Variants in ARHGAP23 observed in about 807,000 individuals in gnomAD.
ARHGAP23 encodes rho GTPase-activating protein 23.
In ARHGAP23, 34 loss-of-function variants were observed where a neutral mutation model predicts 136.3. That is an observed-to-expected ratio of 0.25 (90% confidence interval 0.19 to 0.33). The LOEUF is 0.33. Among genes scored for constraint, ARHGAP23 ranks in the 10% least tolerant of loss-of-function variants. The pLI, the probability that ARHGAP23 is intolerant of heterozygous loss-of-function variation, is 1.00. For synonymous variants in ARHGAP23, 832 were observed against 920.5 expected (o/e 0.90, Z 1.74); for missense variants, 1,808 against 2,139.0 (o/e 0.85, Z 3.05).
chr17:38,462,034 C>A (rs1026131542), intron 3 of ARHGAP23, among the ~76,000 whole-genome samples: 8 of 151,866 alleles, frequency 5.3e-5, no homozygotes, highest in Non-Finnish European at 1.0e-4. Context: ...CTCACTGCAA[C>A]CTCCACCTCC....
intron 1 of ARHGAP23, among the ~76,000 whole-genome samples, chr17:38,428,978 G>C (rs1030165898): frequency 1.3e-5 from 2 of 152,148 alleles, no homozygotes; most frequent in Admixed American, 6.5e-5. Flanking sequence ...AGAGGGGGTG[G>C]GGGAGGGGGT....
chr17:38,485,929 T>G, intron 16 of ARHGAP23, 133 bp from the exon 17 acceptor site: 1 of 751,396 alleles, frequency 1.3e-6, no homozygotes, highest in Non-Finnish European at 2.2e-6. Context: ...ACCATCCTGA[T>G]GAGTAGAGAG....
At chr17:38,509,729 G>A (rs1386670210) in intron 23 of ARHGAP23, among the ~76,000 whole-genome samples, 1 of 152,230 alleles carries the variant, frequency 6.6e-6, no homozygotes, top group East Asian at 1.9e-4. Context: ...ACAAGAAAGA[G>A]CTGAGAGCCT....
At chr17:38,459,563 C>T (rs2039410193) in intron 2 of ARHGAP23, among the ~76,000 whole-genome samples, 1 of 152,004 alleles carries the variant, frequency 6.6e-6, no homozygotes, top group Non-Finnish European at 1.5e-5. Flanking sequence ...CCCCAGAATG[C>T]CCCTCCTGCT....
chr17:38,485,035 A>G lies in ARHGAP23; in HGVS notation c.2908-1027A>G, dbSNP rs541941484. On this transcript the variant is annotated intron_variant, in intron 16 of 23. Coordinates refer to ENST00000622683, the MANE Select transcript of ARHGAP23 (RefSeq NM_001199417.2). The stretch of plus-strand genomic sequence containing the variant: ...GGCGGCTGTGCCCAACTTGGTTGCA[A>G]TGTGGGGTGATGGTGCCCCCTGGAG... Among the ~76,000 whole-genome samples the G allele has an allele frequency of 2.2e-4, 33 of 152,226 alleles. No homozygotes were observed. In the Middle Eastern group the frequency reaches 0.01, roughly 47 times the overall value.
chr17:38,421,188 C>T (rs8069742), intron 1 of ARHGAP23, among the ~76,000 whole-genome samples: 12,607 of 152,324 alleles, frequency 0.083, 598 homozygotes, highest in Middle Eastern at 0.22. Context: ...GGCTTCTGCC[C>T]TTGGCTCCAT....
Position 38,510,144 on chromosome 17 carries a change from G to T in ARHGAP23, c.3648G>T (p.Pro1216=). The change falls in exon 24 of 24, where the codon CCG becomes CCT. Residue 1216 remains proline, a synonymous_variant. Transcript: ENST00000622683. The surrounding 1 kb of genome is among the most constrained non-coding windows in gnomAD (Gnocchi z 4.6). The part of the protein sequence containing the change: ...APGTQERPQG[P]LPGAVAPEAP... The stretch of plus-strand genomic sequence containing the variant: ...GGACTCAGGAGCGGCCGCAGGGGCC[G>T]CTGCCTGGCGCCGTCGCCCCCGAGG... 7.9e-7 allele frequency: 1 copy of T among 1,273,844 alleles called. No homozygotes were observed. The highest frequency in any genetic ancestry group is 9.8e-7 in the Non-Finnish European group (1 of 1,017,174). The allele number at this position is 1,273,844 out of a possible 1,614,324, so 78.9% of individuals were successfully genotyped here. A position where few individuals can be genotyped will look rare whatever the true frequency, so the allele number is the denominator to read the frequency against.
chr17:38,434,990 G>T (rs138909550), intron 1 of ARHGAP23, among the ~76,000 whole-genome samples: 3 of 152,200 alleles, frequency 2.0e-5, no homozygotes, highest in Non-Finnish European at 4.4e-5. Context: ...ACTCTGTATT[G>T]TTCCTGAAAA....
intron 3 of ARHGAP23, 112 bp downstream of exon 3, chr17:38,461,044 C>T: frequency 6.8e-7 from 1 of 1,472,036 alleles, no homozygotes. Context: ...CCTCCCTTGA[C>T]TCCTGTTCCT....
At chr17:38,460,843 G>A in intron 2 of ARHGAP23, 62 bp from the exon 3 acceptor site, 1 of 1,536,006 alleles carries the variant, frequency 6.5e-7, no homozygotes, top group Non-Finnish European at 8.7e-7. Flanking sequence ...CACTGGAGCT[G>A]GGCCACCCCT....
chr17:38,458,279 C>T lies in ARHGAP23; in HGVS notation c.225+16C>T, dbSNP rs866735376. ...CAGCCTGAAGGTATGCCCGGCTCGC[C>T]GCTGCCCTGGTCTGGGGAAGCTTTC... On this transcript the variant is annotated intron_variant, in intron 2 of 23. Transcript: ENST00000622683. The T allele has an allele frequency of 1.4e-5, 21 of 1,500,664 alleles. No individual in the cohort carries two copies. Among genetic ancestry groups the T allele is most frequent in the African/African-American group, 1.2e-4 (9 of 72,100 alleles). The allele number at this position is 1,500,664 out of a possible 1,614,324, so 93.0% of individuals were successfully genotyped here.
intron 12 of ARHGAP23, among the ~76,000 whole-genome samples, chr17:38,478,260 G>A (rs987297258): frequency 1.3e-5 from 2 of 152,184 alleles, no homozygotes; most frequent in African/African-American, 4.8e-5. Context: ...CCTATGGAGT[G>A]TGTTAGGGCA....
chr17:38,471,311 G>A (rs1397414785), intron 10 of ARHGAP23, among the ~76,000 whole-genome samples: 2 of 152,270 alleles, frequency 1.3e-5, no homozygotes, highest in Non-Finnish European at 2.9e-5. Flanking sequence ...TTGATGTCAA[G>A]CGCTCTGTCT....
intron 1 of ARHGAP23, among the ~76,000 whole-genome samples, chr17:38,421,684 C>T (rs1266029052): frequency 6.6e-6 from 1 of 152,208 alleles, no homozygotes; most frequent in East Asian, 1.9e-4. Flanking sequence ...GGGGTGAGTG[C>T]CAGGACTGAG....
chr17:38,449,474 C>T (rs546371994), intron 1 of ARHGAP23, among the ~76,000 whole-genome samples: 5 of 152,266 alleles, frequency 3.3e-5, no homozygotes, highest in African/African-American at 1.2e-4. Context: ...GCTTGTCAGG[C>T]GGGAGTCTCT....
intron 14 of ARHGAP23, among the ~76,000 whole-genome samples, chr17:38,481,148 T>A (rs1279342497): frequency 2.0e-5 from 3 of 148,336 alleles, no homozygotes; most frequent in South Asian, 2.2e-4. Flanking sequence ...GCTAATTTTT[T>A]TTTTTTATTT....
intron 1 of ARHGAP23, among the ~76,000 whole-genome samples, chr17:38,456,968 G>A (rs2039340169): frequency 6.6e-6 from 1 of 152,018 alleles, no homozygotes; most frequent in Admixed American, 6.5e-5. Context: ...GGAGTGCAAT[G>A]GTGCGCTCTC....
chr17:38,508,743 G>A (rs963619438), intron 23 of ARHGAP23, among the ~76,000 whole-genome samples: 2 of 152,058 alleles, frequency 1.3e-5, no homozygotes, highest in African/African-American at 4.8e-5. Flanking sequence ...AGAGAGGGAG[G>A]AGTCACAAGA....
chr17:38,510,961 C>G lies in ARHGAP23; in HGVS notation c.4465C>G (p.Gln1489Glu), dbSNP rs940224541. 7.6e-6 allele frequency: 11 copies of G among 1,452,176 alleles called. No individual in the cohort carries two copies. The Admixed American group carries it at 1.7e-4, about 23-fold the overall frequency. 90.0% of individuals were successfully genotyped at this position (1,452,176 alleles called of 1,614,324 possible). A position where few individuals can be genotyped will look rare whatever the true frequency, so the allele number is the denominator to read the frequency against. Reference sequence around the variant, plus strand: ...CCGCTCGGCCGCCTCCCGCCTGCATCAGTGTCTGTGATCCCCACCTCCCGC... The same window carrying G: ...CCGCTCGGCCGCCTCCCGCCTGCATGAGTGTCTGTGATCCCCACCTCCCGC... ...PRRSAASRLH[Q>E]CL The change falls in exon 24 of 24, where the codon CAG becomes GAG. Residue 1489 changes from glutamine (Q) to glutamate (E), a missense_variant. By Grantham distance (29) the Gln-to-Glu change is conservative. Around this residue, in one of 7 missense-constraint regions of ARHGAP23, gnomAD observed 506 missense variants for 455.8 expected, o/e 1.11. Transcript: ENST00000622683. This position sits in a 1 kb window ranked among gnomAD's most constrained non-coding sequence, Gnocchi z 4.6.
Sources: allele counts gnomAD v4.1 joint callset (sites outside exome capture counted in the v4.1 genomes callset), GRCh38; gene constraint gnomAD v4.1.1; regional missense constraint gnomAD v4.1.1; non-coding constraint Gnocchi (gnomAD v3.1); transcripts MANE v1.5; gene names NCBI Gene and HGNC (gene_info 2026-07-23, HGNC 2026-07-21).